RBFOX1: variants seen among roughly 807,000 people sequenced by gnomAD.
The protein encoded by RBFOX1 is RNA binding protein fox-1 homolog 1.
RBFOX1 carries 8 observed loss-of-function variants against 57.7 expected under a neutral mutation model. That is an observed-to-expected ratio of 0.14 (90% CI 0.08 to 0.25). The LOEUF (loss-of-function observed/expected upper bound fraction) is 0.25. Among genes scored for constraint, RBFOX1 ranks in the 10% least tolerant of loss-of-function variants. RBFOX1 has a pLI of 1.00. For missense variants in RBFOX1, 611 were observed against 548.5 expected, an observed-to-expected ratio of 1.11 and a Z score of -1.14; for synonymous variants, 326 against 222.4, an observed-to-expected ratio of 1.47 and a Z score of -4.15.
intron 3 of RBFOX1, among the ~76,000 whole-genome samples, chr16:6,695,947 C>A (rs1020064258): frequency 6.6e-6 from 1 of 152,106 alleles, no homozygotes; most frequent in African/African-American, 2.4e-5. Context: ...CCTTTTATAA[C>A]CACATTGCAA....
chr16:6,160,853 C>G (rs568810395), intron 1 of RBFOX1, among the ~76,000 whole-genome samples: 16 of 152,308 alleles, frequency 1.1e-4, no homozygotes, highest in African/African-American at 3.4e-4. Flanking sequence ...ATGCCTTAAT[C>G]TCGAGTGTCC....
intron 14 of RBFOX1, chr16:7,693,431 T>C: frequency 1.5e-6 from 2 of 1,323,886 alleles, no homozygotes; most frequent in South Asian, 1.3e-5. Flanking sequence ...TTTTTTTTTT[T>C]TTTCTTCTTC....
At chr16:5,641,142 A>G (rs9930897) in intron 3 of RBFOX1, among the ~76,000 whole-genome samples, 11,657 of 148,900 alleles carry the variant, frequency 0.078, 1,473 homozygotes, top group African/African-American at 0.27. Flanking sequence ...GCACACCATG[A>G]ATACACACAC....
At chr16:5,766,101 A>G (rs982026331) in intron 3 of RBFOX1, among the ~76,000 whole-genome samples, 1 of 152,200 alleles carries the variant, frequency 6.6e-6, no homozygotes, top group Non-Finnish European at 1.5e-5. Context: ...AGGAATACTC[A>G]AGGTTTTTGA....
rs572816084 is a variant in RBFOX1, at chr16:7,144,095, G to C, written c.27+91997G>C. Among the ~76,000 whole-genome samples the C allele has an allele frequency of 1.8e-3, 280 of 152,256 alleles. 2 individuals are homozygous for C. Among genetic ancestry groups the C allele is most frequent in the Middle Eastern group, 3.4e-3 (1 of 294 alleles). On this transcript the variant is annotated intron_variant, in intron 4 of 15. Transcript: ENST00000550418. The stretch of plus-strand genomic sequence containing the variant: ...TAGGCTTTTTCCCTTGGGGGAAAAC[G>C]TCTTCATAGAATTTGCTCCTCTAGG...
chr16:6,643,782 T>A (rs1402982213), intron 2 of RBFOX1, among the ~76,000 whole-genome samples: 1 of 151,772 alleles, frequency 6.6e-6, no homozygotes, highest in Non-Finnish European at 1.5e-5. Flanking sequence ...GGCAAAAGGG[T>A]CCCTAAGGCT....
intron 2 of RBFOX1, among the ~76,000 whole-genome samples, chr16:6,605,109 C>T (rs375671370): frequency 7.2e-5 from 11 of 152,020 alleles, no homozygotes; most frequent in Admixed American, 2.0e-4. Flanking sequence ...CACAGTGGTG[C>T]GCACCTGTAG....
chr16:7,376,424 A>C (rs1240233608), intron 4 of RBFOX1, among the ~76,000 whole-genome samples: 5 of 152,190 alleles, frequency 3.3e-5, no homozygotes, highest in Non-Finnish European at 7.3e-5. Flanking sequence ...ACAGATGAGC[A>C]CTGGAGATAA....
At chr16:6,298,545 C>T (rs1416990953) in intron 1 of RBFOX1, among the ~76,000 whole-genome samples, 3 of 152,150 alleles carry the variant, frequency 2.0e-5, no homozygotes, top group Non-Finnish European at 4.4e-5. Flanking sequence ...TTCAGTTGAA[C>T]GCAGCTGTAA....
At chr16:7,267,396 TGTG>T (rs1349596892) in intron 4 of RBFOX1, among the ~76,000 whole-genome samples, 1 of 150,454 alleles carries the variant, frequency 6.6e-6, no homozygotes, top group Non-Finnish European at 1.5e-5. Context: ...ATTAGTCAGA[TGTG>T]GTGGTGTGCA....
At position 6,078,502 on chromosome 16, in the gene RBFOX1, C is replaced by G. The variant is rs1355237435; in HGVS notation, c.-127+58510C>G. 4.6e-5 allele frequency among the ~76,000 whole-genome samples: 7 copies of G among 152,064 alleles called. No individual in the cohort carries two copies. The East Asian group carries it at 1.2e-3, about 25-fold the overall frequency. ...TTCTTCCGCCGTGGCTCAGGGAAGC[C>G]AAAAGACTGGACACCCCTGTTCTAG... On this transcript the variant is annotated intron_variant, in intron 1 of 15. Coordinates refer to ENST00000550418, the MANE Select transcript of RBFOX1 (RefSeq NM_018723.4).
At chr16:5,654,537 C>G (rs747826601) in intron 3 of RBFOX1, among the ~76,000 whole-genome samples, 1 of 152,098 alleles carries the variant, frequency 6.6e-6, no homozygotes, top group Non-Finnish European at 1.5e-5. Context: ...CTCCAAGACT[C>G]CAAGCACAGG....
intron 4 of RBFOX1, among the ~76,000 whole-genome samples, chr16:7,257,493 G>A (rs144003351): frequency 6.6e-6 from 1 of 152,188 alleles, no homozygotes; most frequent in Admixed American, 6.5e-5. Context: ...CATACCCCCC[G>A]GGTTTCACCT....
intron 4 of RBFOX1, among the ~76,000 whole-genome samples, chr16:6,006,123 C>T (rs1203359781): frequency 6.6e-6 from 1 of 152,170 alleles, no homozygotes; most frequent in Non-Finnish European, 1.5e-5. Context: ...GTTGTATTGC[C>T]TAATTACTTG....
chr16:7,384,828 C>T (rs1486151087), intron 4 of RBFOX1, among the ~76,000 whole-genome samples: 4 of 152,152 alleles, frequency 2.6e-5, no homozygotes, highest in Non-Finnish European at 5.9e-5. Flanking sequence ...ATGCTGCTGG[C>T]ATAGAGCTTA....
At chr16:6,513,766 G>C (rs1341106727) in intron 2 of RBFOX1, among the ~76,000 whole-genome samples, 1 of 151,926 alleles carries the variant, frequency 6.6e-6, no homozygotes, top group Non-Finnish European at 1.5e-5. Context: ...AAAAAACAAA[G>C]TCTGGAAACC....
chr16:5,877,265 G>A lies in RBFOX1; in HGVS notation c.351+9930G>A, dbSNP rs566129215. Among the ~76,000 whole-genome samples, 27 of 152,342 alleles carry A rather than the reference G, an allele frequency of 1.8e-4. 1 individual carries two copies. The highest frequency in any genetic ancestry group is 8.8e-5 in the Non-Finnish European group (6 of 68,026). ...ATTCAGAAAGTCAGAGAGTTTTAAAGAGCATCTCATATGTGATAGCCAGTC... is the reference window on the plus strand; with the variant it reads ...ATTCAGAAAGTCAGAGAGTTTTAAAAAGCATCTCATATGTGATAGCCAGTC... On this transcript the variant is annotated intron_variant, in intron 4 of 19. Transcript: ENST00000641259.
chr16:7,185,708 T>C (rs1167429579), intron 4 of RBFOX1, among the ~76,000 whole-genome samples: 1 of 152,220 alleles, frequency 6.6e-6, no homozygotes, highest in Non-Finnish European at 1.5e-5. Context: ...TCTTTTTTGC[T>C]ACCACTGAAA....
Position 6,126,867 on chromosome 16 carries a change from C to T in RBFOX1, c.-127+106875C>T, listed in dbSNP as rs550553516. Among the ~76,000 whole-genome samples the T allele has an allele frequency of 2.1e-3, 314 of 152,264 alleles. 3 individuals carry two copies. In the South Asian group the frequency reaches 0.024, roughly 11 times the overall value. ...CCTGCCTTCATGAGGCTTACACTCT[C>T]CTGAGAAGCCAGCTTACAAAGAAGC... On this transcript the variant is annotated intron_variant, in intron 1 of 15. Coordinates refer to ENST00000550418, the MANE Select transcript of RBFOX1 (RefSeq NM_018723.4).
Sources: allele counts gnomAD v4.1 joint callset (sites outside exome capture counted in the v4.1 genomes callset), GRCh38; gene constraint gnomAD v4.1.1; transcripts MANE v1.5; gene names NCBI Gene and HGNC (gene_info 2026-07-23, HGNC 2026-07-21).